The following KIAA1217 variants were observed in gnomAD, a reference collection of about 807,000 sequenced individuals.
The protein encoded by KIAA1217 is KIAA1217.
A neutral mutation model predicts 163.9 loss-of-function variants in KIAA1217; 88 were observed. The observed-to-expected ratio is 0.54, with a 90% CI of 0.45 to 0.64. The LOEUF is 0.64. Ranked by LOEUF, KIAA1217 falls within the 30% of genes least tolerant of loss-of-function variation. The probability of loss-of-function intolerance (pLI) is 0.00; values close to 1 mark genes in which losing one functional copy is unlikely to be tolerated. For synonymous variants in KIAA1217, 903 were observed against 923.1 expected (o/e 0.98, Z 0.39); for missense variants, 2,372 against 2,475.0 (o/e 0.96, Z 0.88).
intron 1 of KIAA1217, among the ~76,000 whole-genome samples, chr10:23,920,129 C>T (rs1472375321): frequency 3.9e-5 from 6 of 152,194 alleles, no homozygotes; most frequent in African/African-American, 1.4e-4. Flanking sequence ...TGACCCTCTT[C>T]TGCAACACAG....
At chr10:24,514,025 A>G (rs2069632219) in intron 10 of KIAA1217, among the ~76,000 whole-genome samples, 1 of 152,230 alleles carries the variant, frequency 6.6e-6, no homozygotes, top group Non-Finnish European at 1.5e-5. Flanking sequence ...CTGATCCAGA[A>G]TGAAAAATGC....
At chr10:24,406,224 G>C (rs1264647554) in intron 3 of KIAA1217, among the ~76,000 whole-genome samples, 4 of 152,306 alleles carry the variant, frequency 2.6e-5, no homozygotes, top group African/African-American at 7.2e-5. Flanking sequence ...TATAAGCATA[G>C]AAATGAAATT....
At chr10:24,526,974 A>G (rs2072285124) in intron 13 of KIAA1217, among the ~76,000 whole-genome samples, 1 of 152,196 alleles carries the variant, frequency 6.6e-6, no homozygotes, top group Non-Finnish European at 1.5e-5. Flanking sequence ...TTCTTAGGTT[A>G]TAAGGTTCCA....
At chr10:24,057,866 T>C (rs1410947956) in intron 2 of KIAA1217, among the ~76,000 whole-genome samples, 1 of 152,196 alleles carries the variant, frequency 6.6e-6, no homozygotes, top group African/African-American at 2.4e-5. Flanking sequence ...TTTCACTCCA[T>C]TAATAGCCTC....
chr10:24,239,694 TGTTTGTG>T (rs2072806962), intron 2 of KIAA1217, among the ~76,000 whole-genome samples: 1 of 140,770 alleles, frequency 7.1e-6, no homozygotes, highest in African/African-American at 2.6e-5. Context: ...TGTGTGTGTG[TGTTTGTG>T]TGTGTGTGTG....
At chr10:23,827,566 G>A (rs1390525401) in intron 1 of KIAA1217, among the ~76,000 whole-genome samples, 2 of 152,186 alleles carry the variant, frequency 1.3e-5, no homozygotes, top group African/African-American at 4.8e-5. Context: ...ACTGTACTGA[G>A]TAGTGGGAAC....
At chr10:24,151,708 C>G (rs1312271813) in intron 2 of KIAA1217, among the ~76,000 whole-genome samples, 1 of 151,506 alleles carries the variant, frequency 6.6e-6, no homozygotes, top group African/African-American at 2.4e-5. Context: ...CCACGGAAGG[C>G]CCCTTGCTAG....
At chr10:23,998,107 G>T (rs1390713268) in intron 1 of KIAA1217, among the ~76,000 whole-genome samples, 1 of 150,826 alleles carries the variant, frequency 6.6e-6, no homozygotes, top group Non-Finnish European at 1.5e-5. Context: ...TTTCTCCTTT[G>T]CTTTCAAACA....
At chr10:23,708,858 G>A (rs1208712360) in intron 1 of KIAA1217, among the ~76,000 whole-genome samples, 2 of 152,162 alleles carry the variant, frequency 1.3e-5, no homozygotes, top group Admixed American at 1.3e-4. Context: ...GAGAGTTGAG[G>A]TAGGAGTCTG....
At chr10:24,428,376 T>C (rs1391703154) in intron 3 of KIAA1217, among the ~76,000 whole-genome samples, 1 of 152,120 alleles carries the variant, frequency 6.6e-6, no homozygotes, top group African/African-American at 2.4e-5. Flanking sequence ...TGTAACAGCA[T>C]GGAGATTCTG....
At chr10:23,804,237 C>G (rs1162291171) in intron 1 of KIAA1217, among the ~76,000 whole-genome samples, 2 of 151,970 alleles carry the variant, frequency 1.3e-5, no homozygotes, top group South Asian at 4.2e-4. Flanking sequence ...TGACTTAAAT[C>G]AACTGCCAGG....
At chr10:24,078,737 A>T (rs1324689144) in intron 2 of KIAA1217, among the ~76,000 whole-genome samples, 12 of 152,174 alleles carry the variant, frequency 7.9e-5, no homozygotes, top group Admixed American at 7.9e-4. Flanking sequence ...ATGCAAGAGT[A>T]AAATAATAAA....
At chr10:23,814,199 G>C (rs1837212933) in intron 1 of KIAA1217, among the ~76,000 whole-genome samples, 2 of 152,120 alleles carry the variant, frequency 1.3e-5, no homozygotes, top group African/African-American at 4.8e-5. Flanking sequence ...AGGAATAGTT[G>C]ACAAAAAGGA....
At chr10:24,088,601 C>T (rs2131677152) in intron 2 of KIAA1217, among the ~76,000 whole-genome samples, 1 of 121,918 alleles carries the variant, frequency 8.2e-6, no homozygotes, top group Admixed American at 8.0e-5. Flanking sequence ...CAGCTTCATC[C>T]ATGTCCCTAC....
rs556233731 is a variant in KIAA1217 at position 24,541,158 on chromosome 10, C to G, written c.3535-1535C>G. Among the ~76,000 whole-genome samples, 4 of 146,140 alleles carry G rather than the reference C, an allele frequency of 2.7e-5. No homozygotes were observed. In the South Asian group the frequency reaches 8.4e-4, roughly 31 times the overall value. Reference sequence around the variant, plus strand: ...CGAACTCCTAGACTCAAGCAATCCTCCTGCCTCAGCCTCCCGAGTAGCTGG... The same window carrying G: ...CGAACTCCTAGACTCAAGCAATCCTGCTGCCTCAGCCTCCCGAGTAGCTGG... On this transcript the variant is annotated intron_variant, in intron 17 of 20. Transcript: ENST00000376454.
At chr10:24,185,099 T>C (rs1406273795) in intron 2 of KIAA1217, among the ~76,000 whole-genome samples, 2 of 152,198 alleles carry the variant, frequency 1.3e-5, no homozygotes, top group Non-Finnish European at 2.9e-5. Context: ...CTTACTAGTC[T>C]CTATTCTCCA....
intron 1 of KIAA1217, among the ~76,000 whole-genome samples, chr10:23,993,029 CTTT>C (rs1188657000): frequency 1.7e-5 from 2 of 118,628 alleles, no homozygotes; most frequent in Non-Finnish European, 3.4e-5. Context: ...TGATAGCTTC[CTTT>C]TTTTTTTTTT....
intron 2 of KIAA1217, among the ~76,000 whole-genome samples, chr10:24,236,523 C>CGTG (rs2072288218): frequency 6.6e-6 from 1 of 152,100 alleles, no homozygotes; most frequent in South Asian, 2.1e-4. Context: ...GGATTATAGG[C>CGTG]GTGAGCCACT....
intron 1 of KIAA1217, among the ~76,000 whole-genome samples, chr10:23,846,319 G>A (rs768913008): frequency 1.6e-4 from 24 of 152,036 alleles, no homozygotes; most frequent in Non-Finnish European, 2.5e-4. Flanking sequence ...AAATTACTTC[G>A]AGCACTATGG....
Sources: gnomAD v4.1 joint callset for allele counts (sites outside exome capture counted in the v4.1 genomes callset) on GRCh38, gnomAD v4.1.1 for gene constraint, MANE v1.5 for transcripts, NCBI Gene and HGNC (gene_info 2026-07-23, HGNC 2026-07-21) for gene names.